Variants in SLC13A3 observed in about 807,000 individuals in gnomAD.
SLC13A3 encodes Na(+)/dicarboxylate cotransporter 3.
A neutral mutation model predicts 59.0 loss-of-function variants in SLC13A3; 40 were observed. The observed-to-expected ratio is 0.68, with a 90% CI of 0.53 to 0.88. The LOEUF is 0.88. SLC13A3 is among the 40% of genes least tolerant of loss of function. The probability of loss-of-function intolerance (pLI) is 0.00; values close to 1 mark genes in which losing one functional copy is unlikely to be tolerated. For missense variants in SLC13A3, 699 were observed against 783.2 expected (o/e 0.89, Z 1.28); for synonymous variants, 317 against 330.3 (o/e 0.96, Z 0.44).
intron 8 of SLC13A3, chr20:46,583,956 G>A (rs143891612): frequency 5.5e-5 from 54 of 985,346 alleles, no homozygotes; most frequent in African/African-American, 4.4e-4. Flanking sequence ...GGGAGAATCC[G>A]AGGGCCGCAG....
chr20:46,575,752 T>A, intron 9 of SLC13A3, 67 bp from the exon 10 acceptor site: 1 of 946,036 alleles, frequency 1.1e-6, no homozygotes. Context: ...CCACCAGCCC[T>A]GAGCCCCATC....
intron 10 of SLC13A3, 30 bp downstream of exon 10, chr20:46,575,543 C>T (rs1258165959): frequency 7.2e-7 from 1 of 1,392,638 alleles, no homozygotes; most frequent in Non-Finnish European, 9.9e-7. Context: ...CCCACTGTTC[C>T]TGCTGGTTGG....
chr20:46,584,120 C>G, intron 8 of SLC13A3: 1 of 985,358 alleles, frequency 1.0e-6, no homozygotes, highest in Non-Finnish European at 1.2e-6. Flanking sequence ...CCAGATTGAC[C>G]CAGCCTCTTG....
intron 1 of SLC13A3, among the ~76,000 whole-genome samples, chr20:46,677,786 G>A (rs1368253002): frequency 6.6e-6 from 1 of 152,176 alleles, no homozygotes; most frequent in Non-Finnish European, 1.5e-5. Flanking sequence ...ATGACAAACA[G>A]TGACTCAGAG....
chr20:46,614,683 A>T (rs1201949069), intron 1 of SLC13A3, among the ~76,000 whole-genome samples: 1 of 152,222 alleles, frequency 6.6e-6, no homozygotes, highest in East Asian at 1.9e-4. Flanking sequence ...TGTAGGTATG[A>T]TTATTACCCC....
chr20:46,566,092 G>A (rs2061977332), intron 11 of SLC13A3, 137 bp downstream of exon 11: 1 of 693,112 alleles, frequency 1.4e-6, no homozygotes. Flanking sequence ...AAATTGTACT[G>A]TGGTTCTGAT....
chr20:46,643,194 G>C (rs974959951), intron 1 of SLC13A3, among the ~76,000 whole-genome samples: 2 of 152,136 alleles, frequency 1.3e-5, no homozygotes, highest in African/African-American at 4.8e-5. Flanking sequence ...CCCATGGGTG[G>C]GAAGGGGGGA....
chr20:46,597,334 T>C lies in SLC13A3; in HGVS notation c.609-992A>G, dbSNP rs147888183. Among the ~76,000 whole-genome samples the C allele has an allele frequency of 3.3e-5, 5 of 152,274 alleles. No homozygotes were observed. The East Asian group carries it at 5.8e-4, about 18-fold the overall frequency. ...GTCCGCTATTCTCCATTAAATAAAA[T>C]AGGTATTTGGAAACAGACTGAAATG... On this transcript the variant is annotated intron_variant, in intron 4 of 12. Coordinates refer to ENST00000279027, the MANE Select transcript of SLC13A3 (RefSeq NM_022829.6).
At chr20:46,664,575 T>A (rs553019705) in intron 1 of SLC13A3, among the ~76,000 whole-genome samples, 5 of 152,132 alleles carry the variant, frequency 3.3e-5, no homozygotes, top group Non-Finnish European at 7.3e-5. Flanking sequence ...ATCCCTGACC[T>A]CATGGAACTT....
chr20:46,661,455 C>T (rs1016632020), intron 1 of SLC13A3, among the ~76,000 whole-genome samples: 4 of 152,194 alleles, frequency 2.6e-5, no homozygotes, highest in African/African-American at 9.7e-5. Flanking sequence ...AGAACTTTTC[C>T]TTCAGCAGAT....
intron 1 of SLC13A3, among the ~76,000 whole-genome samples, chr20:46,661,626 C>G (rs1019457055): frequency 1.3e-5 from 2 of 152,136 alleles, no homozygotes; most frequent in Non-Finnish European, 2.9e-5. Context: ...ATCCTGCCCC[C>G]CATTTCCTGC....
At chr20:46,575,405 A>G (rs1029877648) in intron 10 of SLC13A3, among the ~76,000 whole-genome samples, 168 bp downstream of exon 10, 8 of 152,192 alleles carry the variant, frequency 5.3e-5, no homozygotes, top group African/African-American at 1.7e-4. Flanking sequence ...TCTCTGTAGC[A>G]CCAGGAATGA....
upstream of SLC13A3, among the ~76,000 whole-genome samples, chr20:46,653,992 C>T (rs566853736): frequency 3.3e-5 from 5 of 152,202 alleles, no homozygotes; most frequent in Admixed American, 1.3e-4. Flanking sequence ...GGTAATTCTG[C>T]GCTTTTTGAA....
chr20:46,589,035 C>G, intron 7 of SLC13A3, 125 bp downstream of exon 7: 1 of 792,056 alleles, frequency 1.3e-6, no homozygotes, highest in Non-Finnish European at 2.1e-6. Flanking sequence ...TCTCTAGGCT[C>G]CCACGCCACG....
upstream of SLC13A3, among the ~76,000 whole-genome samples, chr20:46,672,213 AAT>A (rs2063096930): frequency 6.6e-6 from 1 of 152,212 alleles, no homozygotes; most frequent in Admixed American, 6.5e-5. Flanking sequence ...GTGGGAAATA[AAT>A]ATGAGATGGG....
At chr20:46,658,682 A>C (rs967748854) in intron 1 of SLC13A3, among the ~76,000 whole-genome samples, 9 of 152,200 alleles carry the variant, frequency 5.9e-5, no homozygotes, top group Non-Finnish European at 8.8e-5. Flanking sequence ...TTTAAAAGTG[A>C]TTGAGTATAT....
chr20:46,613,719 G>A lies in SLC13A3; in HGVS notation c.118C>T (p.Arg40Cys), dbSNP rs77731467. ...VVFALPPKEG[R>C]CLFVILLMAV... Reference sequence around the variant, plus strand: ...ATGAGCAGGATGACAAACAAGCAGCGGCCTTCCTGCAGGAGGAGATGCATG... The same window carrying A: ...ATGAGCAGGATGACAAACAAGCAGCAGCCTTCCTGCAGGAGGAGATGCATG... The change falls in exon 2 of 13, where the codon CGC (arginine) becomes TGC (cysteine). Residue 40 changes from arginine to cysteine, a missense_variant. Transcript: ENST00000279027. 3.5e-3 allele frequency: 5,597 copies of A among 1,598,042 alleles called. 173 individuals carry two copies. In the African/African-American group the frequency reaches 0.064, roughly 18 times the overall value.
At chr20:46,667,109 T>G (rs2063066475) in intron 1 of SLC13A3, among the ~76,000 whole-genome samples, 1 of 152,058 alleles carries the variant, frequency 6.6e-6, no homozygotes, top group Non-Finnish European at 1.5e-5. Context: ...CATTCCAAGC[T>G]ATGATGAAAC....
At chr20:46,642,810 G>A (rs570531571) in intron 1 of SLC13A3, among the ~76,000 whole-genome samples, 143 of 152,286 alleles carry the variant, frequency 9.4e-4, no homozygotes, top group Non-Finnish European at 1.2e-3. Context: ...AGTGTCCAGG[G>A]TCAGCAACTT....
Sources: allele counts gnomAD v4.1 joint callset (sites outside exome capture counted in the v4.1 genomes callset), GRCh38; gene constraint gnomAD v4.1.1; transcripts MANE v1.5; gene names NCBI Gene and HGNC (gene_info 2026-07-23, HGNC 2026-07-21).